Variants in ZNF432 observed in about 807,000 individuals in gnomAD.
The protein encoded by ZNF432 is zinc finger protein 432.
In ZNF432, 10 loss-of-function variants were observed where a neutral mutation model predicts 13.9. The ratio of observed to expected loss-of-function variants is 0.72; its 90% CI spans 0.44 to 1.22. The LOEUF (loss-of-function observed/expected upper bound fraction) is 1.22. ZNF432 is among the 50% of genes most tolerant of loss of function. ZNF432 has a pLI of 0.00. For missense variants in ZNF432, 793 were observed against 796.2 expected (o/e 1.00, Z 0.05); for synonymous variants, 247 against 256.2 (o/e 0.96, Z 0.34).
chr19:52,038,259 GC>G (rs549342058), intron 4 of ZNF432, among the ~76,000 whole-genome samples: 91 of 152,264 alleles, frequency 6.0e-4, no homozygotes, highest in Non-Finnish European at 6.0e-4. Context: ...TGATAGTCAG[GC>G]CCATGGCCTT....
chr19:52,045,998 A>C (rs1041794920), intron 2 of ZNF432, among the ~76,000 whole-genome samples: 3 of 145,972 alleles, frequency 2.1e-5, no homozygotes, highest in Admixed American at 7.0e-5. Flanking sequence ...CATCTCAAAA[A>C]ACAAAAACCA....
In ZNF432 at chr19:52,040,436, C is replaced by T. The variant is rs546396919; in HGVS notation, c.238+52G>A. The stretch of plus-strand genomic sequence containing the variant: ...CTGTGTCCTCAGACACCCACAGAGC[C>T]TTCTTTCACTGACTATAATATTACT... On this transcript the variant is annotated intron_variant, in intron 4 of 4. Transcript: ENST00000221315. 140 of 1,520,756 alleles carry T rather than the reference C, an allele frequency of 9.2e-5. 3 individuals carry two copies. In the South Asian group the frequency reaches 1.5e-3, roughly 16 times the overall value. The allele number at this position is 1,520,756 out of a possible 1,614,324, so 94.2% of individuals were successfully genotyped here. A position where few individuals can be genotyped will look rare whatever the true frequency, so the allele number is the denominator to read the frequency against.
intron 3 of ZNF432, among the ~76,000 whole-genome samples, chr19:52,041,117 A>T (rs1332517516): frequency 6.6e-6 from 1 of 152,120 alleles, no homozygotes; most frequent in African/African-American, 2.4e-5. Context: ...AAAAATAAAT[A>T]AATAAATTAA....
In ZNF432 at chr19:52,035,190, T is replaced by C; in HGVS notation, c.489A>G (p.Lys163=). 6 of 1,613,204 alleles carry C rather than the reference T, an allele frequency of 3.7e-6. No homozygotes were observed. The highest frequency in any genetic ancestry group is 5.1e-6 in the Non-Finnish European group (6 of 1,179,812). The part of the protein sequence containing the change: ...NNSTKFSGDG[K]SFLHGNYEEL... ...CTTCATAGTTACCATGAAGAAATGA[T>C]TTCCCATCTCCACTAAATTTAGTAG... The change falls in exon 5 of 5, where the codon AAA becomes AAG. Residue 163 remains lysine, a synonymous_variant. Coordinates refer to ENST00000221315, the MANE Select transcript of ZNF432 (RefSeq NM_014650.4).
rs2087013656 is a variant in ZNF432 at position 52,031,550 on chromosome 19, C to T, written c.*2170G>A. ...TAGACACCTAACAACTTGGATAGAT[C>T]TTAAGGGTAATTTGCTGAGTGAACA... On this transcript the variant is annotated 3_prime_UTR_variant, in exon 5 of 5. Transcript: ENST00000221315. 1 of 152,214 alleles carries T rather than the reference C, an allele frequency of 6.6e-6. No individual in the cohort carries two copies. The allele number at this position is 152,214 out of a possible 1,614,324, so 9.4% of individuals were successfully genotyped here. A position where few individuals can be genotyped will look rare whatever the true frequency, so the allele number is the denominator to read the frequency against.
chr19:52,044,724 TG>T (rs1376769951), intron 2 of ZNF432, among the ~76,000 whole-genome samples: 1 of 152,228 alleles, frequency 6.6e-6, no homozygotes, highest in Admixed American at 6.5e-5. Context: ...TTTTAAGTAT[TG>T]GCAAAGATTT....
chr19:52,037,722 T>C (rs7248440), intron 4 of ZNF432, among the ~76,000 whole-genome samples: 110,962 of 150,244 alleles, frequency 0.74, 42,279 homozygotes, highest in East Asian at 0.96. Flanking sequence ...CCCAGGAGGT[T>C]GAGGCTGCAG....
chr19:52,048,182 C>CA (rs910956223), intron 1 of ZNF432, among the ~76,000 whole-genome samples: 1 of 146,216 alleles, frequency 6.8e-6, no homozygotes, highest in Non-Finnish European at 1.5e-5. Context: ...CACACACACA[C>CA]AAAACCAGCC....
chr19:52,034,594 A>G lies in ZNF432; in HGVS notation c.1085T>C (p.Ile362Thr). 6.2e-7 allele frequency: 1 copy of G among 1,612,716 alleles called. No individual in the cohort carries two copies. The highest frequency in any genetic ancestry group is 8.5e-7 in the Non-Finnish European group (1 of 1,179,712). ...KGFTTKHYVI[I>T]HQRNHTGEKP... ...CTCTCCTGTATGATTTCGTTGATGT[A>G]TGATGACATAGTGTTTTGTGGTGAA... The change falls in exon 5 of 5, where the codon ATA becomes ACA. Residue 362 changes from isoleucine (I) to threonine (T), a missense_variant. Coordinates refer to ENST00000221315, the MANE Select transcript of ZNF432 (RefSeq NM_014650.4).
At chr19:52,042,186 G>A (rs1284538363) in intron 2 of ZNF432, among the ~76,000 whole-genome samples, 2 of 152,116 alleles carry the variant, frequency 1.3e-5, no homozygotes, top group Non-Finnish European at 2.9e-5. Flanking sequence ...ACAGGTATAT[G>A]TGTCTATTAA....
chr19:52,034,018 C>T lies in ZNF432; in HGVS notation c.1661G>A (p.Arg554His), dbSNP rs779214112. ...SECGKGFTMK[R>H]YLIVHQQIHT... ...AATTTGCTGATGTACAATGAGATAG[C>T]GTTTCATGGTGAAGCCTTTTCCACA... The change falls in exon 5 of 5, where the codon CGC becomes CAC. Residue 554 changes from arginine (R) to histidine (H), a missense_variant. By Grantham distance (29) the Arg-to-His change is conservative. Transcript: ENST00000221315. 3.1e-6 allele frequency: 5 copies of T among 1,614,060 alleles called. No homozygotes were observed. Among genetic ancestry groups the T allele is most frequent in the Non-Finnish European group, 4.2e-6 (5 of 1,180,048 alleles).
In ZNF432 at chr19:52,047,728, T is replaced by C. The variant is rs532465213; in HGVS notation, c.-192-668A>G. ...TTCAATATGAAGAACAAGAAACACATAGAAAAAAAGAGGGAGACAGAGAAA... is the reference window on the plus strand; with the variant it reads ...TTCAATATGAAGAACAAGAAACACACAGAAAAAAAGAGGGAGACAGAGAAA... On this transcript the variant is annotated intron_variant, in intron 1 of 4. Coordinates refer to ENST00000221315, the MANE Select transcript of ZNF432 (RefSeq NM_014650.4). Among the ~76,000 whole-genome samples, 12 of 143,506 alleles carry C rather than the reference T, an allele frequency of 8.4e-5. No homozygotes were observed. In the South Asian group the frequency reaches 1.7e-3, roughly 21 times the overall value. The allele number at this position is 143,506 out of a possible 152,430, so 94.1% of individuals were successfully genotyped here.
At position 52,034,807 on chromosome 19, in the gene ZNF432, C is replaced by T; in HGVS notation, c.872G>A (p.Cys291Tyr). The change falls in exon 5 of 5, where the codon TGC (cysteine) becomes TAC (tyrosine). Residue 291 changes from cysteine (C) to tyrosine (Y), a missense_variant. Transcript: ENST00000221315. ...RTHTGEKPYI[C>Y]NECGKGFPGK... ...TGGGAAGCCTTTTCCACATTCATTG[C>T]ATATGTAGGGTTTCTCTCCAGTATG... The T allele has an allele frequency of 6.2e-7, 1 of 1,612,732 alleles. No homozygotes were observed. The highest frequency in any genetic ancestry group is 8.5e-7 in the Non-Finnish European group (1 of 1,179,400).
chr19:52,044,491 A>G (rs2087164307), intron 2 of ZNF432, among the ~76,000 whole-genome samples: 1 of 152,182 alleles, frequency 6.6e-6, no homozygotes, highest in Non-Finnish European at 1.5e-5. Flanking sequence ...TTTGCAATAA[A>G]CAAAAGATCA....
intron 4 of ZNF432, among the ~76,000 whole-genome samples, chr19:52,037,355 T>C (rs2087091699): frequency 6.6e-6 from 1 of 152,248 alleles, no homozygotes; most frequent in Non-Finnish European, 1.5e-5. Flanking sequence ...CGTTATCATA[T>C]GTTTCATTAA....
chr19:52,034,110 G>A lies in ZNF432; in HGVS notation c.1569C>T (p.Ala523=). The A allele has an allele frequency of 6.2e-7, 1 of 1,613,904 alleles. No individual in the cohort carries two copies. The change falls in exon 5 of 5, where the codon GCC becomes GCT. Residue 523 remains alanine (A), a synonymous_variant. Coordinates refer to ENST00000221315, the MANE Select transcript of ZNF432 (RefSeq NM_014650.4). ...GGTGTACAACAAGATTGCTCTTAAA[G>A]GCAAAACCTTTTCCACATTCATTGC... ...YICNECGKGF[A]FKSNLVVHQR...
At chr19:52,042,338 C>T (rs2087144595) in intron 2 of ZNF432, among the ~76,000 whole-genome samples, 1 of 152,048 alleles carries the variant, frequency 6.6e-6, no homozygotes, top group Admixed American at 6.6e-5. Flanking sequence ...AGCTTGAGCT[C>T]AGGAGTTCAA....
rs558167572 is a variant in ZNF432 at position 52,047,013 on chromosome 19, T to C, written c.-145A>G. ...TATCTAGGTCCTGGAATCTTCCTCT[T>C]TCTTCATTTACTTCTTGTCTCTTCC... On this transcript the variant is annotated 5_prime_UTR_variant, in exon 2 of 5. Coordinates refer to ENST00000221315, the MANE Select transcript of ZNF432 (RefSeq NM_014650.4). 1 of 796,098 alleles carries C rather than the reference T, an allele frequency of 1.3e-6. No homozygotes were observed. The highest frequency in any genetic ancestry group is 2.3e-5 in the South Asian group (1 of 43,954). The allele number at this position is 796,098 out of a possible 1,614,324, so 49.3% of individuals were successfully genotyped here.
intron 2 of ZNF432, among the ~76,000 whole-genome samples, chr19:52,043,228 T>C (rs2087151709): frequency 1.3e-5 from 2 of 152,228 alleles, no homozygotes; most frequent in South Asian, 4.1e-4. Context: ...AGAAAAATTC[T>C]TCTGCCTTGA....
Sources: gnomAD v4.1 joint callset for allele counts (sites outside exome capture counted in the v4.1 genomes callset) on GRCh38, gnomAD v4.1.1 for gene constraint, MANE v1.5 for transcripts, NCBI Gene and HGNC (gene_info 2026-07-23, HGNC 2026-07-21) for gene names.